The following CDH13 variants were observed in gnomAD, a reference collection of about 807,000 sequenced individuals.
CDH13 encodes cadherin-13.
Under a neutral mutation model 63.8 loss-of-function variants are expected in CDH13, and 24 were observed. The ratio of observed to expected loss-of-function variants is 0.38; its 90% CI spans 0.27 to 0.53. The LOEUF is 0.53. CDH13 is among the 20% of genes least tolerant of loss of function. CDH13 has a pLI of 0.85. For synonymous variants in CDH13, 503 were observed against 355.3 expected (o/e 1.42, Z -4.67); for missense variants, 1,049 against 903.1 (o/e 1.16, Z -2.07).
rs547216691 is a variant in CDH13 at position 83,281,316 on chromosome 16, TTTC to T, written c.637-63541_637-63539del. Among the ~76,000 whole-genome samples, 1,255 of 152,344 alleles carry T rather than the reference TTTC, an allele frequency of 8.2e-3. 19 individuals carry two copies. The highest frequency in any genetic ancestry group is 0.029 in the African/African-American group (1,197 of 41,564). Reference sequence around the variant, plus strand: ...AACCAACCTCCGTTAGGTTCAGACTTTTCTTCTGCAGATTATTCACCTCTCTCA... The same window carrying T: ...AACCAACCTCCGTTAGGTTCAGACTTTTCTGCAGATTATTCACCTCTCTCA... On this transcript the variant is annotated intron_variant, in intron 5 of 13. Transcript: ENST00000567109.
At chr16:83,093,109 A>T (rs1313450053) in intron 3 of CDH13, among the ~76,000 whole-genome samples, 5 of 152,090 alleles carry the variant, frequency 3.3e-5, no homozygotes, top group Non-Finnish European at 7.4e-5. Context: ...ACCTCCATCT[A>T]TAAAAGAAAC....
At chr16:83,685,255 G>T (rs1904294370) in intron 10 of CDH13, among the ~76,000 whole-genome samples, 1 of 152,178 alleles carries the variant, frequency 6.6e-6, no homozygotes, top group South Asian at 2.1e-4. Context: ...TTAAACCAAG[G>T]TTCTTCACTA....
chr16:82,805,905 G>A lies in CDH13; in HGVS notation c.46-52457G>A, dbSNP rs115995816. 1.9e-3 allele frequency among the ~76,000 whole-genome samples: 293 copies of A among 152,252 alleles called. 1 individual carries two copies. Among genetic ancestry groups the A allele is most frequent in the African/African-American group, 6.4e-3 (265 of 41,542 alleles). ...AACTGTCTGTCTTTTAACATGGTAC[G>A]CACATTTCTGTTTTGATCACCCTTT... On this transcript the variant is annotated intron_variant, in intron 1 of 13. Coordinates refer to ENST00000567109, the MANE Select transcript of CDH13 (RefSeq NM_001257.5).
intron 5 of CDH13, among the ~76,000 whole-genome samples, chr16:83,278,770 C>G (rs11643201): frequency 6.6e-6 from 1 of 152,118 alleles, no homozygotes; most frequent in African/African-American, 2.4e-5. Context: ...TTGAGAGCAT[C>G]TGATTCGCAT....
rs546930547 is a variant in CDH13 at position 82,895,870 on chromosome 16, G to C, written c.157+37397G>C. Among the ~76,000 whole-genome samples the C allele has an allele frequency of 1.1e-4, 16 of 152,262 alleles. No individual in the cohort carries two copies. The East Asian group carries it at 3.1e-3, about 29-fold the overall frequency. On this transcript the variant is annotated intron_variant, in intron 2 of 13. Transcript: ENST00000567109. ...TGCAGTACGTCAAGCCAGTACACATGGGAGAGCCTTGAAGGGGTACAAGAT... is the reference window on the plus strand; with the variant it reads ...TGCAGTACGTCAAGCCAGTACACATCGGAGAGCCTTGAAGGGGTACAAGAT...
At chr16:82,689,982 TAAAAAAAAAAA>T (rs71146085) in intron 1 of CDH13, among the ~76,000 whole-genome samples, 524 of 15,764 alleles carry the variant, frequency 0.033, 14 homozygotes, top group African/African-American at 0.11. Context: ...CCATCTCTAC[TAAAAAAAAAAA>T]AAAAAAAAAA....
chr16:83,504,030 G>A (rs1440001671), intron 7 of CDH13, among the ~76,000 whole-genome samples: 1 of 152,106 alleles, frequency 6.6e-6, no homozygotes, highest in Non-Finnish European at 1.5e-5. Context: ...TAAAATATGG[G>A]TTGATGGGTG....
intron 4 of CDH13, among the ~76,000 whole-genome samples, chr16:83,159,555 T>G (rs1216081827): frequency 6.6e-6 from 1 of 152,114 alleles, no homozygotes; most frequent in Admixed American, 6.5e-5. Context: ...CCTAAACCTC[T>G]CCTCTGAAAT....
In CDH13 at chr16:82,634,731, G is replaced by T. The variant is rs1029642900; in HGVS notation, c.45+7594G>T. Among the ~76,000 whole-genome samples the T allele has an allele frequency of 2.6e-5, 4 of 152,294 alleles. No homozygotes were observed. In the East Asian group the frequency reaches 5.8e-4, roughly 22 times the overall value. ...TTCCTGACTCTTTATCTAACTTAAA[G>T]TTACAGCCAAAGAGGCTTCTGGGCG... On this transcript the variant is annotated intron_variant, in intron 1 of 13. Coordinates refer to ENST00000567109, the MANE Select transcript of CDH13 (RefSeq NM_001257.5).
At chr16:83,533,622 T>C (rs2075128707) in intron 7 of CDH13, among the ~76,000 whole-genome samples, 6 of 146,164 alleles carry the variant, frequency 4.1e-5, no homozygotes, top group Admixed American at 2.7e-4. Context: ...CATTATCTTT[T>C]TTTTTTTTTT....
intron 1 of CDH13, among the ~76,000 whole-genome samples, chr16:82,735,354 A>G (rs1213310957): frequency 6.6e-6 from 1 of 152,218 alleles, no homozygotes; most frequent in African/African-American, 2.4e-5. Flanking sequence ...CAGGGCAGAT[A>G]AGTCCTTGTC....
chr16:82,876,233 G>A (rs986109057), intron 2 of CDH13, among the ~76,000 whole-genome samples: 1 of 152,184 alleles, frequency 6.6e-6, no homozygotes, highest in Non-Finnish European at 1.5e-5. Context: ...TGTAACCTCT[G>A]TGGTTATCTT....
chr16:83,695,985 G>A (rs774301692), intron 10 of CDH13, among the ~76,000 whole-genome samples: 1 of 151,906 alleles, frequency 6.6e-6, no homozygotes, highest in Non-Finnish European at 1.5e-5. Context: ...TGCCTCCTGG[G>A]CTCAAGGGAT....
At chr16:83,140,907 A>G (rs1325083902) in intron 4 of CDH13, among the ~76,000 whole-genome samples, 2 of 152,184 alleles carry the variant, frequency 1.3e-5, no homozygotes, top group African/African-American at 4.8e-5. Context: ...TTTTTCCCAG[A>G]TAAAGGAAGA....
At chr16:82,785,215 ACT>A (rs2035948221) in intron 1 of CDH13, among the ~76,000 whole-genome samples, 2 of 151,654 alleles carry the variant, frequency 1.3e-5, no homozygotes, top group Non-Finnish European at 2.9e-5. Context: ...AAGACATGAG[ACT>A]CTCTTATGTC....
chr16:82,971,945 C>G (rs938253610), intron 2 of CDH13, among the ~76,000 whole-genome samples: 6 of 152,158 alleles, frequency 3.9e-5, no homozygotes, highest in African/African-American at 1.4e-4. Flanking sequence ...TGGGGAGCCT[C>G]TTCAGCTACT....
intron 10 of CDH13, among the ~76,000 whole-genome samples, chr16:83,698,329 C>G (rs993009928): frequency 5.9e-5 from 9 of 152,192 alleles, no homozygotes; most frequent in Non-Finnish European, 1.3e-4. Flanking sequence ...TTATTTGATG[C>G]ACTTCCTTGG....
intron 1 of CDH13, among the ~76,000 whole-genome samples, chr16:82,857,465 C>T (rs286687): frequency 0.25 from 38,335 of 152,086 alleles, 5,153 homozygotes; most frequent in Middle Eastern, 0.31. Flanking sequence ...ATAGCCTTTG[C>T]GTACTAAACC....
At chr16:82,982,600 A>C (rs1910421945) in intron 2 of CDH13, among the ~76,000 whole-genome samples, 1 of 152,206 alleles carries the variant, frequency 6.6e-6, no homozygotes, top group Non-Finnish European at 1.5e-5. Flanking sequence ...GGCCAGTCTC[A>C]TATCCCCAGA....
Sources: gnomAD v4.1 joint callset for allele counts (sites outside exome capture counted in the v4.1 genomes callset) on GRCh38, gnomAD v4.1.1 for gene constraint, MANE v1.5 for transcripts, NCBI Gene and HGNC (gene_info 2026-07-23, HGNC 2026-07-21) for gene names.